Variants in XYLB observed in about 807,000 individuals in gnomAD.
The protein encoded by XYLB is xylulokinase.
A neutral mutation model predicts 78.7 loss-of-function variants in XYLB; 62 were observed. That is an observed-to-expected ratio of 0.79 (90% CI 0.64 to 0.97). The LOEUF (loss-of-function observed/expected upper bound fraction) is 0.97, where lower values mean the gene tolerates loss of function less well. Among genes scored for constraint, XYLB ranks in the 50% least tolerant of loss-of-function variants. The pLI is 0.00. For synonymous variants in XYLB, 245 were observed against 247.4 expected (o/e 0.99, Z 0.09); for missense variants, 687 against 676.8 (o/e 1.02, Z -0.17).
downstream of XYLB, among the ~76,000 whole-genome samples, chr3:38,422,821 G>T (rs1026750478): frequency 6.6e-6 from 1 of 151,874 alleles, no homozygotes; most frequent in African/African-American, 2.4e-5. Context: ...ATTTACAAGG[G>T]TTAAAAAAAC....
intron 18 of XYLB, among the ~76,000 whole-genome samples, chr3:38,401,327 T>G (rs1219558361): frequency 1.3e-5 from 2 of 152,108 alleles, no homozygotes; most frequent in Non-Finnish European, 2.9e-5. Context: ...CACTGAAATC[T>G]CAAGTCTAGA....
chr3:38,371,967 G>C (rs772200456), intron 9 of XYLB, among the ~76,000 whole-genome samples: 15 of 152,174 alleles, frequency 9.9e-5, no homozygotes, highest in South Asian at 6.2e-4. Flanking sequence ...TTCAGAGCAG[G>C]CTTTGTTTGC....
At position 38,366,297 on chromosome 3, in the gene XYLB, G is replaced by A. The variant is rs559858307; in HGVS notation, c.508-511G>A. Among the ~76,000 whole-genome samples, 6 of 152,020 alleles carry A rather than the reference G, an allele frequency of 3.9e-5. No individual in the cohort carries two copies. The South Asian group carries it at 1.0e-3, about 26-fold the overall frequency. On this transcript the variant is annotated intron_variant, in intron 6 of 18. Transcript: ENST00000207870. ...AATATGTGGGTGGGGAAAATACCCC[G>A]ATCCCTCACCTGGTGGCTTGGTCAG...
chr3:38,447,049 C>G, the XYLB span, among the ~76,000 whole-genome samples: 1 of 152,072 alleles, frequency 6.6e-6, no homozygotes, highest in African/African-American at 2.4e-5. Flanking sequence ...CCAGAATATA[C>G]AAGGAACTCA....
the XYLB span, among the ~76,000 whole-genome samples, chr3:38,435,892 A>C: frequency 6.6e-6 from 1 of 152,178 alleles, no homozygotes; most frequent in Non-Finnish European, 1.5e-5. Context: ...AAATTCTTTA[A>C]GGAAATGAAA....
the XYLB span, among the ~76,000 whole-genome samples, chr3:38,431,647 T>C: frequency 2.6e-5 from 4 of 152,332 alleles, no homozygotes; most frequent in African/African-American, 9.6e-5. Flanking sequence ...AAGGGTATGC[T>C]TCCAGTTTTT....
chr3:38,374,349 G>A (rs1190643639), intron 10 of XYLB, 113 bp from the exon 11 acceptor site: 11 of 1,454,694 alleles, frequency 7.6e-6, no homozygotes, highest in Non-Finnish European at 1.9e-6. Flanking sequence ...CCACCCTAGG[G>A]TGTGGGTGGG....
At chr3:38,370,903 G>A (rs1035806285) in intron 9 of XYLB, among the ~76,000 whole-genome samples, 1 of 152,062 alleles carries the variant, frequency 6.6e-6, no homozygotes, top group Non-Finnish European at 1.5e-5. Flanking sequence ...AAAAGATCTG[G>A]GTGCTGCCCC....
At chr3:38,372,202 C>T (rs1706604467) in intron 9 of XYLB, among the ~76,000 whole-genome samples, 1 of 152,204 alleles carries the variant, frequency 6.6e-6, no homozygotes, top group Non-Finnish European at 1.5e-5. Flanking sequence ...TAGAACATTG[C>T]TCTCTGCACG....
At chr3:38,403,964 T>C (rs943314399) in intron 18 of XYLB, among the ~76,000 whole-genome samples, 6 of 152,150 alleles carry the variant, frequency 3.9e-5, no homozygotes, top group African/African-American at 1.4e-4. Flanking sequence ...ATGTGACTTA[T>C]ATGCAGACTG....
rs58457623 is a variant in XYLB, at chr3:38,351,171, C to CAAAAAAAAAAAAAAAAAAAAAAAA, written c.140+2544_140+2567dup. Among the ~76,000 whole-genome samples the CAAAAAAAAAAAAAAAAAAAAAAAA allele has an allele frequency of 4.4e-3, 102 of 23,084 alleles. 14 individuals carry two copies. Among genetic ancestry groups the CAAAAAAAAAAAAAAAAAAAAAAAA allele is most frequent in the Non-Finnish European group, 7.7e-3 (79 of 10,244 alleles). 15.1% of individuals were successfully genotyped at this position (23,084 alleles called of 152,430 possible). A position where few individuals can be genotyped will look rare whatever the true frequency, so the allele number is the denominator to read the frequency against. The stretch of plus-strand genomic sequence containing the variant: ...TGGACAACAGAGGGAGAGCCTGTCT[C>CAAAAAAAAAAAAAAAAAAAAAAAA]AAAAAAAAAAAAAAAAAAAAAAAAA... On this transcript the variant is annotated intron_variant, in intron 2 of 18. Transcript: ENST00000207870.
At chr3:38,440,730 A>G in the XYLB span, among the ~76,000 whole-genome samples, 1 of 152,234 alleles carries the variant, frequency 6.6e-6, no homozygotes, top group Non-Finnish European at 1.5e-5. Context: ...ACCTTCAATT[A>G]TCAATTATAG....
chr3:38,426,017 A>G (rs1709092982), downstream of XYLB, among the ~76,000 whole-genome samples: 1 of 152,208 alleles, frequency 6.6e-6, no homozygotes, highest in South Asian at 2.1e-4. Context: ...CCTTCTGTGC[A>G]TATTATTACT....
chr3:38,349,373 G>A (rs1200274978), intron 2 of XYLB, among the ~76,000 whole-genome samples: 1 of 152,216 alleles, frequency 6.6e-6, no homozygotes, highest in Non-Finnish European at 1.5e-5. Context: ...GGGTATGGGT[G>A]AGGTATGAAT....
At chr3:38,411,677 C>T (rs1057495282) in intron 18 of XYLB, among the ~76,000 whole-genome samples, 64 of 150,796 alleles carry the variant, frequency 4.2e-4, no homozygotes, top group African/African-American at 1.4e-3. Context: ...TCCTATTCTA[C>T]ATGAGAATTT....
chr3:38,439,081 G>A, the XYLB span, among the ~76,000 whole-genome samples: 2 of 152,146 alleles, frequency 1.3e-5, no homozygotes, highest in African/African-American at 4.8e-5. Context: ...ACCCAACCCA[G>A]AAGTCCAACT....
chr3:38,386,708 T>G (rs2125627770), intron 15 of XYLB, among the ~76,000 whole-genome samples: 1 of 152,296 alleles, frequency 6.6e-6, no homozygotes, highest in South Asian at 2.1e-4. Flanking sequence ...ACACTTGAAT[T>G]TTTTACGAAC....
At chr3:38,452,370 C>T in the XYLB span, 1 of 152,274 alleles carries the variant, frequency 6.6e-6, no homozygotes, top group East Asian at 1.9e-4. Context: ...TCCTGCTGCT[C>T]TGGTGACCGG....
In XYLB at chr3:38,359,370, C is replaced by G. The variant is rs113743124; in HGVS notation, c.141-969C>G. On this transcript the variant is annotated intron_variant, in intron 2 of 18. Coordinates refer to ENST00000207870, the MANE Select transcript of XYLB (RefSeq NM_005108.4). ...AACCAGCAACCTCCAGTGTGAGTGT[C>G]ATAGCCATCGGGAACATGTCACATT... Among the ~76,000 whole-genome samples the G allele has an allele frequency of 2.7e-4, 41 of 152,352 alleles. 2 individuals carry two copies. The highest frequency in any genetic ancestry group is 9.9e-4 in the African/African-American group (41 of 41,592).
Sources: allele counts gnomAD v4.1 joint callset (sites outside exome capture counted in the v4.1 genomes callset), GRCh38; gene constraint gnomAD v4.1.1; transcripts MANE v1.5; gene names NCBI Gene and HGNC (gene_info 2026-07-23, HGNC 2026-07-21).